TBC1D23: variants seen among roughly 807,000 people sequenced by gnomAD.
The protein encoded by TBC1D23 is HCV non-structural protein 4A-transactivated protein 1.
TBC1D23 carries 55 observed loss-of-function variants against 91.4 expected under a neutral mutation model. The ratio of observed to expected loss-of-function variants is 0.60; its 90% CI spans 0.48 to 0.75. The LOEUF (loss-of-function observed/expected upper bound fraction) is 0.75, where lower values mean the gene tolerates loss of function less well. Ranked by LOEUF, TBC1D23 falls within the 30% of genes least tolerant of loss-of-function variation. The pLI, the probability that TBC1D23 is intolerant of heterozygous loss-of-function variation, is 0.00. For synonymous variants in TBC1D23, 289 were observed against 281.0 expected (o/e 1.03, Z -0.28); for missense variants, 725 against 836.1 (o/e 0.87, Z 1.64).
chr3:100,273,548 G>T (rs533471247), intron 1 of TBC1D23, among the ~76,000 whole-genome samples: 12 of 152,106 alleles, frequency 7.9e-5, no homozygotes, highest in African/African-American at 2.7e-4. Flanking sequence ...CCAAAAAAGA[G>T]CCCAAATAGC....
chr3:100,316,195 A>G lies in TBC1D23; in HGVS notation c.1687+8A>G, dbSNP rs762212439. 1.6e-5 allele frequency: 25 copies of G among 1,602,392 alleles called. No individual in the cohort carries two copies. Among genetic ancestry groups the G allele is most frequent in the Non-Finnish European group, 2.1e-5 (24 of 1,169,170 alleles). On this transcript the variant is annotated splice_region_variant and intron_variant, in intron 16 of 18. Coordinates refer to ENST00000394144, the MANE Select transcript of TBC1D23 (RefSeq NM_001199198.3). ...AAGAAGAATACGACACAGGTGTAGTAATACACTTAGCTACAGACAGCTTTG... is the reference window on the plus strand; with the variant it reads ...AAGAAGAATACGACACAGGTGTAGTGATACACTTAGCTACAGACAGCTTTG...
Position 100,324,401 on chromosome 3 carries a change from G to A in TBC1D23, c.*733G>A, listed in dbSNP as rs1441623759. ...GTTAAGATTAAAATTAACATTTTGG[G>A]GACAGAATTGTGTCTGTAAAAATGT... On this transcript the variant is annotated 3_prime_UTR_variant, in exon 19 of 19. Coordinates refer to ENST00000394144, the MANE Select transcript of TBC1D23 (RefSeq NM_001199198.3). 2 of 152,016 alleles carry A rather than the reference G, an allele frequency of 1.3e-5. No homozygotes were observed. The highest frequency in any genetic ancestry group is 4.8e-5 in the African/African-American group (2 of 41,382). 9.4% of individuals were successfully genotyped at this position (152,016 alleles called of 1,614,324 possible).
At chr3:100,314,349 G>T (rs2148870777) in intron 15 of TBC1D23, among the ~76,000 whole-genome samples, 1 of 151,974 alleles carries the variant, frequency 6.6e-6, no homozygotes, top group Middle Eastern at 3.4e-3. Flanking sequence ...GCCCACCTCG[G>T]ATCTTTCGGC....
intron 5 of TBC1D23, among the ~76,000 whole-genome samples, chr3:100,291,917 C>T (rs1419412124): frequency 1.3e-5 from 2 of 151,724 alleles, no homozygotes; most frequent in Non-Finnish European, 2.9e-5. Context: ...AGGTGCCGGC[C>T]ACCATGCCCG....
chr3:100,287,339 C>T (rs932442738), intron 4 of TBC1D23, among the ~76,000 whole-genome samples: 27 of 152,170 alleles, frequency 1.8e-4, no homozygotes, highest in Admixed American at 1.8e-3. Flanking sequence ...TACAGTTTCA[C>T]ATATAAGATG....
intron 5 of TBC1D23, among the ~76,000 whole-genome samples, chr3:100,291,361 T>C (rs1394283102): frequency 6.6e-6 from 1 of 152,174 alleles, no homozygotes; most frequent in Non-Finnish European, 1.5e-5. Context: ...GGAAGGTGGA[T>C]CACTTGATGT....
rs1408480478 is a variant in TBC1D23 at position 100,314,245 on chromosome 3, C to T, written c.1599-1854C>T. 4.0e-5 allele frequency among the ~76,000 whole-genome samples: 6 copies of T among 151,618 alleles called. No individual in the cohort carries two copies. In the East Asian group the frequency reaches 9.7e-4, roughly 24 times the overall value. ...TCCCAAGTAGCTGGGACTACAGGTG[C>T]GTGCCACCACACCCAGCTGATTTTT... is the stretch of plus-strand genomic sequence containing the variant. On this transcript the variant is annotated intron_variant, in intron 15 of 18. Coordinates refer to ENST00000394144, the MANE Select transcript of TBC1D23 (RefSeq NM_001199198.3).
intron 1 of TBC1D23, among the ~76,000 whole-genome samples, chr3:100,277,310 T>G (rs2067656323): frequency 6.6e-6 from 1 of 152,212 alleles, no homozygotes; most frequent in African/African-American, 2.4e-5. Context: ...TTTGGATGCC[T>G]TGTTCAGAAA....
At chr3:100,321,715 A>C (rs1483459512) in intron 18 of TBC1D23, among the ~76,000 whole-genome samples, 1 of 152,192 alleles carries the variant, frequency 6.6e-6, no homozygotes, top group African/African-American at 2.4e-5. Flanking sequence ...AATCAACTTC[A>C]GTTGGAAGAG....
chr3:100,288,339 T>C (rs1229524357), intron 4 of TBC1D23, among the ~76,000 whole-genome samples: 1 of 152,222 alleles, frequency 6.6e-6, no homozygotes, highest in Non-Finnish European at 1.5e-5. Flanking sequence ...ACAGTTTGCT[T>C]TTTTAGAGAT....
chr3:100,263,627 T>C (rs569732487), intron 1 of TBC1D23, among the ~76,000 whole-genome samples: 47 of 152,354 alleles, frequency 3.1e-4, no homozygotes, highest in African/African-American at 1.1e-3. Flanking sequence ...AAAAAAGTTT[T>C]TAACTAATTA....
At chr3:100,309,985 C>G (rs1428116070) in intron 13 of TBC1D23, among the ~76,000 whole-genome samples, 1 of 152,212 alleles carries the variant, frequency 6.6e-6, no homozygotes, top group Non-Finnish European at 1.5e-5. Context: ...ATACTACAAA[C>G]TGGGGGCTTA....
intron 1 of TBC1D23, among the ~76,000 whole-genome samples, chr3:100,276,742 T>A (rs1017504302): frequency 6.6e-6 from 1 of 152,192 alleles, no homozygotes; most frequent in African/African-American, 2.4e-5. Context: ...TTATTTAGGT[T>A]TGGAAAATAA....
chr3:100,271,315 G>C (rs531435478), intron 1 of TBC1D23, among the ~76,000 whole-genome samples: 1 of 152,298 alleles, frequency 6.6e-6, no homozygotes, highest in Admixed American at 6.5e-5. Flanking sequence ...CCAAAAGTTT[G>C]GTAGCTGGAT....
chr3:100,264,833 T>G (rs1056746026), intron 1 of TBC1D23, among the ~76,000 whole-genome samples: 1 of 152,240 alleles, frequency 6.6e-6, no homozygotes, highest in South Asian at 2.1e-4. Context: ...TCTAGTTCAC[T>G]GCTTCTCAAA....
chr3:100,272,291 G>A (rs1175489157), intron 1 of TBC1D23, among the ~76,000 whole-genome samples: 1 of 152,192 alleles, frequency 6.6e-6, no homozygotes, highest in African/African-American at 2.4e-5. Flanking sequence ...TAATGATTCT[G>A]TAAAGTATCC....
chr3:100,306,523 A>G lies in TBC1D23; in HGVS notation c.1393A>G (p.Ser465Gly). 6.2e-7 allele frequency: 1 copy of G among 1,604,624 alleles called. No homozygotes were observed. The highest frequency in any genetic ancestry group is 8.5e-7 in the Non-Finnish European group (1 of 1,171,416). The stretch of plus-strand genomic sequence containing the variant: ...GATTGCTAGTACCTCAGGCTCAAGG[A>G]GCAGTATCAATTCTGTTGATGTAAG... ...HWIASTSGSR[S>G]SINSVDGESP... Residue 465 changes from serine to glycine, a missense_variant, in exon 13 of 19, where the codon AGC (serine) becomes GGC (glycine). Coordinates refer to ENST00000394144, the MANE Select transcript of TBC1D23 (RefSeq NM_001199198.3).
intron 5 of TBC1D23, among the ~76,000 whole-genome samples, chr3:100,294,496 G>A (rs184967086): frequency 6.6e-6 from 1 of 151,956 alleles, no homozygotes; most frequent in Non-Finnish European, 1.5e-5. Flanking sequence ...CCTGACCTCA[G>A]GTGATCCACC....
intron 5 of TBC1D23, among the ~76,000 whole-genome samples, chr3:100,291,439 G>A (rs1043942803): frequency 5.9e-5 from 9 of 152,012 alleles, no homozygotes; most frequent in Non-Finnish European, 1.0e-4. Flanking sequence ...AAAATTAGTC[G>A]GGTGTGGTGG....
Sources: allele counts gnomAD v4.1 joint callset (sites outside exome capture counted in the v4.1 genomes callset), GRCh38; gene constraint gnomAD v4.1.1; transcripts MANE v1.5; gene names NCBI Gene and HGNC (gene_info 2026-07-23, HGNC 2026-07-21).